Variants in FAM193A observed in about 807,000 individuals in gnomAD.
The protein encoded by FAM193A is protein FAM193A.
A neutral mutation model predicts 126.5 loss-of-function variants in FAM193A; 22 were observed. That is an observed-to-expected ratio of 0.17 (90% CI 0.12 to 0.25). The LOEUF (loss-of-function observed/expected upper bound fraction) is 0.25. Ranked by LOEUF, FAM193A falls within the 10% of genes least tolerant of loss-of-function variation. The pLI is 1.00. For synonymous variants in FAM193A, 761 were observed against 646.8 expected (o/e 1.18, Z -2.68); for missense variants, 1,675 against 1,672.8 (o/e 1.00, Z -0.02).
chr4:2,616,043 C>T (rs535879180), intron 2 of FAM193A, among the ~76,000 whole-genome samples: 26 of 152,220 alleles, frequency 1.7e-4, no homozygotes, highest in African/African-American at 4.3e-4. Flanking sequence ...TTGCGCAATC[C>T]GCCCGCCTCA....
In FAM193A at chr4:2,646,850, C is replaced by G; in HGVS notation, c.1311+18C>G. ...ACGAGCAGGTGAGTGCCACCCGGGA[C>G]CACCGCACCCCGCGCACATCCTCAG... On this transcript the variant is annotated intron_variant, in intron 7 of 20. Coordinates refer to ENST00000637812, the MANE Select transcript of FAM193A (RefSeq NM_001366318.2). 12 of 1,602,822 alleles carry G rather than the reference C, an allele frequency of 7.5e-6. No individual in the cohort carries two copies. The highest frequency in any genetic ancestry group is 1.0e-5 in the Non-Finnish European group (12 of 1,174,838).
intron 16 of FAM193A, 62 bp downstream of exon 16, chr4:2,693,936 A>G: frequency 1.3e-6 from 2 of 1,520,694 alleles, no homozygotes; most frequent in South Asian, 1.2e-5. Context: ...ATGCCTCACT[A>G]ACACAGCTAC....
intron 1 of FAM193A, among the ~76,000 whole-genome samples, chr4:2,561,002 T>A (rs1432256590): frequency 6.6e-6 from 1 of 152,192 alleles, no homozygotes; most frequent in Non-Finnish European, 1.5e-5. Flanking sequence ...TCTAGAACTT[T>A]CTTTGCCTTC....
chr4:2,659,476 G>A (rs1712133099), intron 8 of FAM193A, 82 bp from the exon 9 acceptor site: 4 of 949,210 alleles, frequency 4.2e-6, no homozygotes, highest in Non-Finnish European at 6.7e-6. Flanking sequence ...CATGATACAT[G>A]TCAGCAGAAT....
chr4:2,557,573 T>G (rs1486837800), intron 1 of FAM193A, among the ~76,000 whole-genome samples: 3 of 152,202 alleles, frequency 2.0e-5, no homozygotes, highest in African/African-American at 7.2e-5. Flanking sequence ...GCTTTTTATT[T>G]TCTTCAAAGG....
intron 7 of FAM193A, among the ~76,000 whole-genome samples, chr4:2,651,340 C>A (rs937345694): frequency 5.3e-5 from 8 of 151,628 alleles, no homozygotes; most frequent in African/African-American, 1.9e-4. Flanking sequence ...CAAAAAAAAA[C>A]CAATAAAACA....
chr4:2,570,059 A>T (rs707342), intron 1 of FAM193A, among the ~76,000 whole-genome samples: 39,284 of 140,300 alleles, frequency 0.28, 5,689 homozygotes, highest in Middle Eastern at 0.38. Context: ...CACATCTAAT[A>T]AGTTACAGAA....
Position 2,596,209 on chromosome 4 carries a change from A to G in FAM193A, c.381A>G (p.Lys127=), listed in dbSNP as rs779786325. 7 of 702,962 alleles carry G rather than the reference A, an allele frequency of 1.0e-5. No individual in the cohort carries two copies. The highest frequency in any genetic ancestry group is 5.9e-5 in the South Asian group (4 of 67,598). 43.5% of individuals were successfully genotyped at this position (702,962 alleles called of 1,614,324 possible). ...FLESGIKTAS[K]LALSMAPKGN... is the part of the protein sequence containing the mutation. The stretch of plus-strand genomic sequence containing the variant: ...AGAGTGGAATTAAGACTGCGAGCAA[A>G]TTGGCCCTTTCCATGGCTCCCAAGG... Residue 127 remains lysine, a synonymous_variant, in exon 2 of 21, where the codon AAA becomes AAG. Coordinates refer to ENST00000637812, the MANE Select transcript of FAM193A (RefSeq NM_001366318.2).
intron 2 of FAM193A, among the ~76,000 whole-genome samples, chr4:2,609,757 G>A (rs1002930304): frequency 4.0e-5 from 6 of 151,708 alleles, no homozygotes; most frequent in South Asian, 2.1e-4. Flanking sequence ...GTGAAACCCC[G>A]TCTCTACTAA....
intron 13 of FAM193A, among the ~76,000 whole-genome samples, chr4:2,679,688 TC>T (rs1714875510): frequency 1.3e-5 from 2 of 152,146 alleles, no homozygotes; most frequent in South Asian, 4.2e-4. Flanking sequence ...CTGTAGTTTT[TC>T]TTACAGTGTC....
chr4:2,553,948 A>T (rs188398695), intron 1 of FAM193A, among the ~76,000 whole-genome samples: 2 of 151,962 alleles, frequency 1.3e-5, no homozygotes, highest in African/African-American at 4.8e-5. Context: ...TTTGCCTTCC[A>T]CCGTGATTGT....
At chr4:2,664,558 CTT>C (rs33958851) in intron 12 of FAM193A, among the ~76,000 whole-genome samples, 1,655 of 72,840 alleles carry the variant, frequency 0.023, 85 homozygotes, top group African/African-American at 0.085. Flanking sequence ...TATTTTCTTT[CTT>C]TTTTTTTTTT....
chr4:2,678,701 T>A (rs1216494806), intron 13 of FAM193A, among the ~76,000 whole-genome samples: 3 of 152,174 alleles, frequency 2.0e-5, no homozygotes, highest in Admixed American at 2.0e-4. Context: ...AATGGAATTG[T>A]TTTCATAATT....
Position 2,695,138 on chromosome 4 carries a change from A to G in FAM193A, c.3276+9A>G, listed in dbSNP as rs1417897818. Reference sequence around the variant, plus strand: ...TCTTTGGGCACGGCGGGGTGAGTGCATGAGGTCAGCGCATCATGATGTGGG... The same window carrying G: ...TCTTTGGGCACGGCGGGGTGAGTGCGTGAGGTCAGCGCATCATGATGTGGG... On this transcript the variant is annotated intron_variant, in intron 17 of 20. Transcript: ENST00000637812. The G allele has an allele frequency of 6.3e-7, 1 of 1,585,350 alleles. No individual in the cohort carries two copies. Among genetic ancestry groups the G allele is most frequent in the Non-Finnish European group, 8.6e-7 (1 of 1,164,842 alleles).
intron 1 of FAM193A, among the ~76,000 whole-genome samples, chr4:2,567,031 C>T (rs1033751677): frequency 5.3e-5 from 8 of 151,818 alleles, no homozygotes; most frequent in Non-Finnish European, 4.4e-5. Context: ...GCTCCGCCTC[C>T]CAGGTTCACG....
At chr4:2,613,743 C>T (rs1461315551) in intron 2 of FAM193A, among the ~76,000 whole-genome samples, 1 of 150,046 alleles carries the variant, frequency 6.7e-6, no homozygotes. Flanking sequence ...CATGAGCCAC[C>T]ATACCTGGCC....
intron 12 of FAM193A, among the ~76,000 whole-genome samples, chr4:2,667,190 G>A (rs1029293259): frequency 6.6e-6 from 1 of 152,156 alleles, no homozygotes; most frequent in African/African-American, 2.4e-5. Context: ...TTGGTTGATG[G>A]CATTCTTCAA....
intron 18 of FAM193A, among the ~76,000 whole-genome samples, chr4:2,698,478 A>G (rs896435866): frequency 2.6e-5 from 4 of 152,220 alleles, no homozygotes; most frequent in African/African-American, 9.6e-5. Flanking sequence ...GATGTTAAAT[A>G]ATTTTTACTT....
chr4:2,704,558 C>G, intron 19 of FAM193A, among the ~76,000 whole-genome samples: 1 of 151,854 alleles, frequency 6.6e-6, no homozygotes, highest in Non-Finnish European at 1.5e-5. Flanking sequence ...GAGCAAGACC[C>G]TATCTGAAAA....
Sources: allele counts gnomAD v4.1 joint callset (sites outside exome capture counted in the v4.1 genomes callset), GRCh38; gene constraint gnomAD v4.1.1; transcripts MANE v1.5; gene names NCBI Gene and HGNC (gene_info 2026-07-23, HGNC 2026-07-21).